The following FAM135A variants were observed in gnomAD, a reference collection of about 807,000 sequenced individuals.
FAM135A encodes the protein protein FAM135A.
A neutral mutation model predicts 146.8 loss-of-function variants in FAM135A; 79 were observed. The observed-to-expected ratio is 0.54, with a 90% CI of 0.45 to 0.65. The LOEUF is 0.65. Among genes scored for constraint, FAM135A ranks in the 30% least tolerant of loss-of-function variants. The probability of loss-of-function intolerance (pLI) is 0.00; values close to 1 mark genes in which losing one functional copy is unlikely to be tolerated. For synonymous variants in FAM135A, 562 were observed against 603.6 expected, an observed-to-expected ratio of 0.93 and a Z score of 1.01; for missense variants, 1,623 against 1,758.2, an observed-to-expected ratio of 0.92 and a Z score of 1.38.
intron 8 of FAM135A, among the ~76,000 whole-genome samples, chr6:70,479,792 C>G (rs189399576): frequency 6.6e-6 from 1 of 152,080 alleles, no homozygotes; most frequent in Admixed American, 6.6e-5. Context: ...TCAATGCAAT[C>G]TATAGACGTT....
At chr6:70,439,981 T>C (rs548492445) in intron 4 of FAM135A, among the ~76,000 whole-genome samples, 1 of 152,364 alleles carries the variant, frequency 6.6e-6, no homozygotes, top group East Asian at 1.9e-4. Flanking sequence ...CTTAAATAAA[T>C]GTTTAAAATA....
At chr6:70,552,247 G>A (rs1799948795) in intron 20 of FAM135A, among the ~76,000 whole-genome samples, 1 of 152,024 alleles carries the variant, frequency 6.6e-6, no homozygotes, top group Admixed American at 6.6e-5. Flanking sequence ...TATACATAAT[G>A]TATCTTATAT....
chr6:70,437,904 G>A (rs1486104394), intron 4 of FAM135A, among the ~76,000 whole-genome samples: 8 of 151,868 alleles, frequency 5.3e-5, no homozygotes, highest in Non-Finnish European at 1.0e-4. Context: ...GAATGATGGC[G>A]GAGGAATTGT....
intron 10 of FAM135A, among the ~76,000 whole-genome samples, chr6:70,484,698 C>T (rs367716398): frequency 2.0e-5 from 3 of 152,194 alleles, no homozygotes; most frequent in African/African-American, 4.8e-5. Flanking sequence ...AATCTAATGC[C>T]GCTGCTGATC....
In FAM135A at chr6:70,524,978, C is replaced by T. The variant is rs765685277; in HGVS notation, c.1894C>T (p.His632Tyr). ...QDDSEITQMEHNLASRRSSDD... is the reference protein window; with the variant it reads ...QDDSEITQMEYNLASRRSSDD... ...CGATAGTGAAATTACACAAATGGAACACAATCTGGCATCCAGAAGGTCATC... is the reference window on the plus strand; with the variant it reads ...CGATAGTGAAATTACACAAATGGAATACAATCTGGCATCCAGAAGGTCATC... Residue 632 changes from histidine (H) to tyrosine (Y), a missense_variant, in exon 15 of 22, where the codon CAC (histidine) becomes TAC (tyrosine). This residue lies in a region of FAM135A where 1,061 missense variants were observed against 1,113.8 expected (regional missense o/e 0.95). Coordinates refer to ENST00000418814, the MANE Select transcript of FAM135A (RefSeq NM_001162529.3). 32 of 1,602,618 alleles carry T rather than the reference C, an allele frequency of 2.0e-5. No individual in the cohort carries two copies. The East Asian group carries it at 6.5e-4, about 32-fold the overall frequency.
intron 12 of FAM135A, 43 bp downstream of exon 12, chr6:70,502,834 TA>T: frequency 6.4e-7 from 1 of 1,550,940 alleles, no homozygotes; most frequent in Non-Finnish European, 8.7e-7. Flanking sequence ...TAATGAGTAT[TA>T]TTTACCTTTA....
intron 12 of FAM135A, among the ~76,000 whole-genome samples, chr6:70,507,823 C>T (rs1790127268): frequency 6.6e-6 from 1 of 151,760 alleles, no homozygotes; most frequent in Non-Finnish European, 1.5e-5. Context: ...TTTGTCATTT[C>T]AAACTAAAAT....
intron 4 of FAM135A, among the ~76,000 whole-genome samples, chr6:70,433,832 T>C (rs78511414): frequency 0.017 from 2,565 of 152,336 alleles, 26 homozygotes; most frequent in Non-Finnish European, 0.024. Flanking sequence ...CAGAAAGGAA[T>C]AAACAGATTA....
intron 12 of FAM135A, among the ~76,000 whole-genome samples, chr6:70,520,027 GTAT>G (rs775236067): frequency 3.3e-5 from 5 of 151,928 alleles, no homozygotes; most frequent in Non-Finnish European, 5.9e-5. Flanking sequence ...AAGACCTCAA[GTAT>G]TAATTTTTTA....
At chr6:70,493,065 G>A (rs1469793553) in intron 11 of FAM135A, among the ~76,000 whole-genome samples, 1 of 151,768 alleles carries the variant, frequency 6.6e-6, no homozygotes, top group Non-Finnish European at 1.5e-5. Flanking sequence ...TTCCCATGTA[G>A]CCATTTAAAA....
At chr6:70,475,869 C>T (rs531882252) in intron 7 of FAM135A, 136 bp downstream of exon 7, 1 of 680,054 alleles carries the variant, frequency 1.5e-6, no homozygotes, top group Non-Finnish European at 2.4e-6. Context: ...GGGGAAACTT[C>T]ATGAGAATGA....
chr6:70,413,956 C>T (rs1030729348), intron 1 of FAM135A: 1 of 985,548 alleles, frequency 1.0e-6, no homozygotes, highest in Non-Finnish European at 1.2e-6. Flanking sequence ...TGCCCGCGGC[C>T]GCCCCTGCCC....
chr6:70,447,882 A>G (rs764314134), intron 4 of FAM135A, among the ~76,000 whole-genome samples: 6 of 152,210 alleles, frequency 3.9e-5, no homozygotes, highest in Non-Finnish European at 7.3e-5. Flanking sequence ...TTATCCACTC[A>G]GTACTGCTGT....
chr6:70,441,344 C>T (rs747207487), intron 4 of FAM135A, among the ~76,000 whole-genome samples: 4 of 151,932 alleles, frequency 2.6e-5, no homozygotes, highest in Non-Finnish European at 5.9e-5. Flanking sequence ...GCTGAGATGG[C>T]GCTACTGCAC....
chr6:70,530,650 G>A (rs1795626578), intron 16 of FAM135A, among the ~76,000 whole-genome samples: 1 of 152,144 alleles, frequency 6.6e-6, no homozygotes, highest in Non-Finnish European at 1.5e-5. Flanking sequence ...CTCCTTGGGA[G>A]GCTGAAGCAG....
At chr6:70,453,817 A>T (rs2128049154) in intron 5 of FAM135A, among the ~76,000 whole-genome samples, 1 of 152,236 alleles carries the variant, frequency 6.6e-6, no homozygotes, top group East Asian at 1.9e-4. Context: ...TCTATCATTG[A>T]TGTTCATTTG....
intron 20 of FAM135A, among the ~76,000 whole-genome samples, chr6:70,554,846 C>T (rs188588580): frequency 2.6e-5 from 4 of 152,226 alleles, no homozygotes; most frequent in South Asian, 2.1e-4. Context: ...AGGCTGGTCT[C>T]GAACTCCTGA....
At chr6:70,505,170 T>A (rs1027298577) in intron 12 of FAM135A, among the ~76,000 whole-genome samples, 7 of 152,114 alleles carry the variant, frequency 4.6e-5, no homozygotes, top group African/African-American at 1.7e-4. Flanking sequence ...TATCATTAAA[T>A]ACTTCAGCAT....
At chr6:70,433,754 A>G (rs1386451633) in intron 4 of FAM135A, among the ~76,000 whole-genome samples, 2 of 152,182 alleles carry the variant, frequency 1.3e-5, no homozygotes, top group Non-Finnish European at 2.9e-5. Flanking sequence ...ATTTTTGCTT[A>G]GACTTATCGG....
Sources: allele counts gnomAD v4.1 joint callset (sites outside exome capture counted in the v4.1 genomes callset), GRCh38; gene constraint gnomAD v4.1.1; regional missense constraint gnomAD v4.1.1; transcripts MANE v1.5; gene names NCBI Gene and HGNC (gene_info 2026-07-23, HGNC 2026-07-21).